SAMD4A: variants seen among roughly 807,000 people sequenced by gnomAD.
SAMD4A encodes sterile alpha motif domain containing 4A.
SAMD4A carries 33 observed loss-of-function variants against 81.3 expected under a neutral mutation model. The observed-to-expected ratio is 0.41, with a 90% CI of 0.31 to 0.54. SAMD4A has a LOEUF of 0.54. Ranked by LOEUF, SAMD4A falls within the 20% of genes least tolerant of loss-of-function variation. The probability of loss-of-function intolerance (pLI) is 0.37; values close to 1 mark genes in which losing one functional copy is unlikely to be tolerated. For missense variants in SAMD4A, 854 were observed against 951.1 expected, an observed-to-expected ratio of 0.90 and a Z score of 1.34; for synonymous variants, 389 against 382.1, an observed-to-expected ratio of 1.02 and a Z score of -0.21.
chr14:54,572,434 T>C (rs905267272), intron 2 of SAMD4A, among the ~76,000 whole-genome samples: 7 of 152,204 alleles, frequency 4.6e-5, no homozygotes, highest in Admixed American at 3.3e-4. Context: ...CCCTTTAATG[T>C]ATGGGCCTAC....
chr14:54,718,990 G>A (rs981701652), intron 3 of SAMD4A, among the ~76,000 whole-genome samples: 3 of 146,132 alleles, frequency 2.1e-5, no homozygotes, highest in African/African-American at 7.6e-5. Flanking sequence ...GTGACAGAGC[G>A]AAACTCCATC....
At chr14:54,577,827 C>T (rs192421967) in intron 2 of SAMD4A, among the ~76,000 whole-genome samples, 14 of 152,252 alleles carry the variant, frequency 9.2e-5, no homozygotes, top group African/African-American at 2.9e-4. Flanking sequence ...AGAAGATGAG[C>T]AGAGAGCTGT....
chr14:54,594,538 T>C (rs1315608871), intron 2 of SAMD4A, among the ~76,000 whole-genome samples: 1 of 152,168 alleles, frequency 6.6e-6, no homozygotes, highest in African/African-American at 2.4e-5. Context: ...AGATGATAAG[T>C]ACAAACAGCA....
intron 3 of SAMD4A, among the ~76,000 whole-genome samples, chr14:54,728,666 GCTGTTCT>G (rs1418883911): frequency 1.3e-5 from 2 of 152,154 alleles, no homozygotes; most frequent in East Asian, 3.8e-4. Flanking sequence ...CTGAGAATCT[GCTGTTCT>G]CCTCCTTTTA....
At chr14:54,685,335 A>G (rs756273655) in intron 2 of SAMD4A, among the ~76,000 whole-genome samples, 6 of 147,302 alleles carry the variant, frequency 4.1e-5, no homozygotes, top group Admixed American at 1.4e-4. Flanking sequence ...GAGACCTCAT[A>G]CAAGTGGAGT....
At chr14:54,588,584 A>AT (rs1192404730) in intron 2 of SAMD4A, among the ~76,000 whole-genome samples, 6 of 151,804 alleles carry the variant, frequency 4.0e-5, no homozygotes, top group East Asian at 3.9e-4. Context: ...ACATTTAAGT[A>AT]TTTTTTTTGT....
intron 3 of SAMD4A, among the ~76,000 whole-genome samples, chr14:54,718,984 C>T (rs1272017047): frequency 6.8e-6 from 1 of 146,398 alleles, no homozygotes; most frequent in African/African-American, 2.5e-5. Context: ...GCCTGGGTGA[C>T]AGAGCGAAAC....
chr14:54,779,389 C>CTGTT (rs1419630636), intron 11 of SAMD4A, among the ~76,000 whole-genome samples: 5 of 152,244 alleles, frequency 3.3e-5, no homozygotes, highest in Non-Finnish European at 5.9e-5. Context: ...TTCCTCCTGG[C>CTGTT]TGTTAGATGT....
intron 4 of SAMD4A, among the ~76,000 whole-genome samples, chr14:54,746,278 T>C (rs1359831053): frequency 1.3e-5 from 2 of 152,212 alleles, no homozygotes; most frequent in African/African-American, 2.4e-5. Context: ...TTTGAGCACA[T>C]GGCACTGAGA....
At chr14:54,682,655 C>T (rs1323623908) in intron 2 of SAMD4A, among the ~76,000 whole-genome samples, 1 of 152,194 alleles carries the variant, frequency 6.6e-6, no homozygotes, top group Non-Finnish European at 1.5e-5. Context: ...AATCAAGTCT[C>T]CAAGGTGTTC....
intron 2 of SAMD4A, among the ~76,000 whole-genome samples, chr14:54,682,295 T>C (rs1486911542): frequency 6.6e-6 from 1 of 152,196 alleles, no homozygotes; most frequent in Non-Finnish European, 1.5e-5. Flanking sequence ...CTCTTCTGTT[T>C]GATTCCATTT....
upstream of SAMD4A, among the ~76,000 whole-genome samples, chr14:54,566,227 C>T (rs2032927375): frequency 1.3e-5 from 2 of 151,228 alleles, no homozygotes; most frequent in East Asian, 2.0e-4. Flanking sequence ...GCCGGCGCTC[C>T]GGGCGCCCCC....
chr14:54,779,473 A>T (rs146163617), intron 11 of SAMD4A, among the ~76,000 whole-genome samples: 5 of 152,300 alleles, frequency 3.3e-5, no homozygotes, highest in African/African-American at 9.6e-5. Flanking sequence ...TCATTCTGTA[A>T]ACCTAAAATA....
chr14:54,599,777 G>A (rs1465532700), intron 2 of SAMD4A, among the ~76,000 whole-genome samples: 1 of 152,200 alleles, frequency 6.6e-6, no homozygotes, highest in Non-Finnish European at 1.5e-5. Flanking sequence ...TTGGTAGCAA[G>A]AGCAACACTA....
At chr14:54,784,968 G>A (rs2039098052) in intron 12 of SAMD4A, among the ~76,000 whole-genome samples, 1 of 152,208 alleles carries the variant, frequency 6.6e-6, no homozygotes, top group African/African-American at 2.4e-5. Context: ...AGGAGTCAGG[G>A]ACATGAGACA....
At chr14:54,788,805 T>G in intron 12 of SAMD4A, 111 bp from the exon 13 acceptor site, 1 of 1,322,156 alleles carries the variant, frequency 7.6e-7, no homozygotes, top group Non-Finnish European at 1.1e-6. Context: ...GTAGGTGCCC[T>G]TCTCTGCCCT....
intron 2 of SAMD4A, among the ~76,000 whole-genome samples, chr14:54,647,882 G>A (rs2035318791): frequency 1.3e-5 from 2 of 152,256 alleles, no homozygotes; most frequent in African/African-American, 4.8e-5. Context: ...GAGCCCTACA[G>A]CTGCGCTGTT....
intron 3 of SAMD4A, 49 bp downstream of exon 3, chr14:54,702,629 G>A (rs1229393776): frequency 6.3e-7 from 1 of 1,588,472 alleles, no homozygotes; most frequent in Non-Finnish European, 8.6e-7. Flanking sequence ...GCGATTTGCT[G>A]TGTATGTGGC....
intron 2 of SAMD4A, among the ~76,000 whole-genome samples, chr14:54,675,234 C>T (rs1275439206): frequency 2.6e-5 from 4 of 151,874 alleles, no homozygotes; most frequent in Non-Finnish European, 5.9e-5. Context: ...GGCGTGGTGG[C>T]GGGCGCCTGT....
Sources: gnomAD v4.1 joint callset for allele counts (sites outside exome capture counted in the v4.1 genomes callset) on GRCh38, gnomAD v4.1.1 for gene constraint, MANE v1.5 for transcripts, NCBI Gene and HGNC (gene_info 2026-07-23, HGNC 2026-07-21) for gene names.